The following RPS6KC1 variants were observed in gnomAD, a reference collection of about 807,000 sequenced individuals.
RPS6KC1 encodes the protein inactive ribosomal protein S6 kinase delta-1.
RPS6KC1 carries 54 observed loss-of-function variants against 103.8 expected under a neutral mutation model. That is an observed-to-expected ratio of 0.52 (90% CI 0.42 to 0.65). The LOEUF (loss-of-function observed/expected upper bound fraction) is 0.65. Ranked by LOEUF, RPS6KC1 falls within the 30% of genes least tolerant of loss-of-function variation. RPS6KC1 has a pLI of 0.00. For synonymous variants in RPS6KC1, 439 were observed against 438.7 expected (o/e 1.00, Z -0.01); for missense variants, 1,151 against 1,253.8 (o/e 0.92, Z 1.24).
At chr1:213,830,890 C>A in the RPS6KC1 span, among the ~76,000 whole-genome samples, 1 of 152,152 alleles carries the variant, frequency 6.6e-6, no homozygotes, top group Non-Finnish European at 1.5e-5. Flanking sequence ...CTTTCTTTAG[C>A]TACAAGATGC....
At chr1:213,360,114 G>A in the RPS6KC1 span, among the ~76,000 whole-genome samples, 2,727 of 152,272 alleles carry the variant, frequency 0.018, 141 homozygotes, top group East Asian at 0.18. Context: ...GCCTTGCTAG[G>A]TTGGGGAAGT....
the RPS6KC1 span, among the ~76,000 whole-genome samples, chr1:213,384,707 C>G: frequency 7.9e-5 from 12 of 152,184 alleles, no homozygotes; most frequent in African/African-American, 2.7e-4. Flanking sequence ...ATTCTACAGA[C>G]AAGGAAATGC....
chr1:213,283,978 A>G, the RPS6KC1 span, among the ~76,000 whole-genome samples: 1 of 152,174 alleles, frequency 6.6e-6, no homozygotes, highest in East Asian at 1.9e-4. Flanking sequence ...GTGCCACTCA[A>G]AGATAACAAA....
chr1:213,853,585 GC>G, the RPS6KC1 span, among the ~76,000 whole-genome samples: 1 of 152,168 alleles, frequency 6.6e-6, no homozygotes, highest in African/African-American at 2.4e-5. Flanking sequence ...TTGGGGTTTT[GC>G]TGTTCCACTT....
chr1:213,392,847 A>C, the RPS6KC1 span, among the ~76,000 whole-genome samples: 1 of 152,218 alleles, frequency 6.6e-6, no homozygotes, highest in Non-Finnish European at 1.5e-5. Context: ...ACTGATATTT[A>C]TTTGGTCAGT....
At chr1:213,158,205 G>T (rs149523971) in intron 6 of RPS6KC1, among the ~76,000 whole-genome samples, 4 of 152,130 alleles carry the variant, frequency 2.6e-5, no homozygotes, top group African/African-American at 9.7e-5. Flanking sequence ...AATGGCACTA[G>T]TTAAATACAT....
At chr1:213,237,412 C>A (rs1433052593) in intron 10 of RPS6KC1, among the ~76,000 whole-genome samples, 1 of 151,958 alleles carries the variant, frequency 6.6e-6, no homozygotes, top group Admixed American at 6.6e-5. Context: ...TAGAATAGTA[C>A]CTGGTACATG....
the RPS6KC1 span, among the ~76,000 whole-genome samples, chr1:213,670,627 A>T: frequency 6.6e-6 from 1 of 152,098 alleles, no homozygotes; most frequent in Non-Finnish European, 1.5e-5. Context: ...CCCCCAGGCC[A>T]GGATAGGGGC....
intron 3 of RPS6KC1, among the ~76,000 whole-genome samples, chr1:213,095,700 T>A: frequency 6.6e-6 from 1 of 152,256 alleles, no homozygotes; most frequent in East Asian, 1.9e-4. Flanking sequence ...AATATTTTGG[T>A]TTCCTAGTAC....
the RPS6KC1 span, among the ~76,000 whole-genome samples, chr1:213,674,343 A>G: frequency 0.65 from 98,296 of 152,044 alleles, 32,297 homozygotes; most frequent in South Asian, 0.82. Context: ...GTTTATGAGT[A>G]CCCAATGTTT....
chr1:213,067,212 C>T (rs142579129), intron 1 of RPS6KC1, among the ~76,000 whole-genome samples: 218 of 152,312 alleles, frequency 1.4e-3, no homozygotes, highest in African/African-American at 5.0e-3. Flanking sequence ...GTCAGGATCT[C>T]CTGAGGCTGT....
chr1:213,592,941 G>A, the RPS6KC1 span, among the ~76,000 whole-genome samples: 2 of 152,214 alleles, frequency 1.3e-5, no homozygotes, highest in African/African-American at 4.8e-5. Context: ...ACAAGGAGCT[G>A]TGACAGAGTG....
the RPS6KC1 span, among the ~76,000 whole-genome samples, chr1:213,762,750 A>G: frequency 7.2e-5 from 11 of 152,146 alleles, no homozygotes; most frequent in African/African-American, 2.7e-4. Context: ...CTGTGTGAGG[A>G]CCTTTTTTGA....
chr1:213,310,283 T>G, the RPS6KC1 span, among the ~76,000 whole-genome samples: 1 of 152,126 alleles, frequency 6.6e-6, no homozygotes, highest in Non-Finnish European at 1.5e-5. Context: ...CAGAATAAAA[T>G]CCCAGGTCCT....
chr1:213,587,237 C>T, the RPS6KC1 span, among the ~76,000 whole-genome samples: 72 of 151,668 alleles, frequency 4.7e-4, 1 homozygote, highest in East Asian at 6.0e-3. Flanking sequence ...GCTAGATCTG[C>T]GGTGGGGGCC....
At chr1:213,271,966 T>A (rs1227570794) in intron 14 of RPS6KC1, among the ~76,000 whole-genome samples, 2 of 152,190 alleles carry the variant, frequency 1.3e-5, no homozygotes, top group African/African-American at 4.8e-5. Context: ...TGATTCCTAT[T>A]TCTGAAGAAA....
intron 8 of RPS6KC1, among the ~76,000 whole-genome samples, chr1:213,209,008 C>A (rs1573293914): frequency 1.3e-5 from 2 of 152,022 alleles, no homozygotes; most frequent in Non-Finnish European, 2.9e-5. Context: ...TCTAGTCCTT[C>A]CTTTCTCTAT....
the RPS6KC1 span, among the ~76,000 whole-genome samples, chr1:213,674,289 G>C: frequency 6.6e-6 from 1 of 152,112 alleles, no homozygotes; most frequent in Non-Finnish European, 1.5e-5. Context: ...AAAGTCCTAG[G>C]ATTACAGGCA....
chr1:213,741,838 G>C, the RPS6KC1 span, among the ~76,000 whole-genome samples: 1 of 152,228 alleles, frequency 6.6e-6, no homozygotes, highest in Admixed American at 6.5e-5. Context: ...CAGAGCTGGG[G>C]TGACTGGGAA....
Sources: allele counts gnomAD v4.1 joint callset (sites outside exome capture counted in the v4.1 genomes callset), GRCh38; gene constraint gnomAD v4.1.1; transcripts MANE v1.5; gene names NCBI Gene and HGNC (gene_info 2026-07-23, HGNC 2026-07-21).